Variants in PFKP observed in about 807,000 individuals in gnomAD.
PFKP encodes phosphofructokinase, platelet.
Under a neutral mutation model 94.3 loss-of-function variants are expected in PFKP, and 101 were observed. That is an observed-to-expected ratio of 1.07 (90% CI 0.91 to 1.26). The LOEUF (loss-of-function observed/expected upper bound fraction) is 1.26, where lower values mean the gene tolerates loss of function less well. Among genes scored for constraint, PFKP ranks in the 50% most tolerant of loss-of-function variants. The pLI is 0.00. For missense variants in PFKP, 1,145 were observed against 1,103.3 expected (o/e 1.04, Z -0.53); for synonymous variants, 573 against 432.6 (o/e 1.32, Z -4.03).
intron 2 of PFKP, among the ~76,000 whole-genome samples, chr10:3,087,399 C>CG (rs1833687928): frequency 6.6e-6 from 1 of 152,160 alleles, no homozygotes; most frequent in Non-Finnish European, 1.5e-5. Context: ...CCTTGTCTGG[C>CG]GGGGACAGCG....
intron 2 of PFKP, among the ~76,000 whole-genome samples, chr10:3,098,611 T>C (rs1383613642): frequency 7.1e-6 from 1 of 141,090 alleles, no homozygotes; most frequent in African/African-American, 2.7e-5. Context: ...GGAGGCAGGT[T>C]GCAGTGAGCC....
intron 4 of PFKP, among the ~76,000 whole-genome samples, chr10:3,102,085 A>G (rs894830557): frequency 6.6e-6 from 1 of 150,546 alleles, no homozygotes; most frequent in African/African-American, 2.4e-5. Flanking sequence ...CCCCGTCTCT[A>G]CTAAAAATAC....
intron 5 of PFKP, 46 bp from the exon 6 acceptor site, chr10:3,105,069 T>A (rs755904255): frequency 1.9e-6 from 3 of 1,592,722 alleles, no homozygotes; most frequent in Non-Finnish European, 2.6e-6. Flanking sequence ...CCTCTGTTTC[T>A]CTGCTTTCTG....
intron 7 of PFKP, among the ~76,000 whole-genome samples, chr10:3,106,456 T>C (rs1835568250): frequency 6.6e-6 from 1 of 151,280 alleles, no homozygotes; most frequent in South Asian, 2.1e-4. Context: ...TCCTTCCCCA[T>C]GGGAACCCCT....
Position 3,136,689 on chromosome 10 carries a change from C to A in PFKP, c.*110C>A, listed in dbSNP as rs1053000. 4 of 1,212,344 alleles carry A rather than the reference C, an allele frequency of 3.3e-6. No individual in the cohort carries two copies. Among genetic ancestry groups the A allele is most frequent in the Non-Finnish European group, 4.6e-6 (4 of 864,144 alleles). The allele number at this position is 1,212,344 out of a possible 1,614,324, so 75.1% of individuals were successfully genotyped here. ...CGTATTATTGACATTAATACCTAAT[C>A]GGCGAGTGCCCATCTGCCCCACCTG... On this transcript the variant is annotated 3_prime_UTR_variant, in exon 22 of 22. Transcript: ENST00000381125.
At chr10:3,090,457 G>A (rs966284463) in intron 2 of PFKP, among the ~76,000 whole-genome samples, 5 of 152,196 alleles carry the variant, frequency 3.3e-5, no homozygotes, top group East Asian at 1.9e-4. Flanking sequence ...GATGAGACGC[G>A]CATGCCTTTG....
At chr10:3,104,981 C>G in intron 5 of PFKP, 134 bp from the exon 6 acceptor site, 1 of 794,046 alleles carries the variant, frequency 1.3e-6, no homozygotes, top group Non-Finnish European at 2.2e-6. Flanking sequence ...TAGGTCCCTG[C>G]AGGCCTCCTG....
chr10:3,072,802 A>G (rs10795000), intron 1 of PFKP, among the ~76,000 whole-genome samples: 22,707 of 151,892 alleles, frequency 0.15, 2,218 homozygotes, highest in East Asian at 0.32. Flanking sequence ...AAGCAATTAA[A>G]ATTAGAAAGG....
intron 1 of PFKP, among the ~76,000 whole-genome samples, chr10:3,073,274 C>T (rs941218447): frequency 6.6e-6 from 1 of 151,918 alleles, no homozygotes; most frequent in Admixed American, 6.5e-5. Flanking sequence ...TCTCTGTCTC[C>T]TCTCCCTGTC....
intron 1 of PFKP, among the ~76,000 whole-genome samples, chr10:3,075,997 G>C (rs1326848256): frequency 2.6e-5 from 3 of 114,210 alleles, no homozygotes; most frequent in Non-Finnish European, 4.9e-5. Context: ...CGGCCTGGGC[G>C]ACAGAGCGAG....
chr10:3,126,145 G>A (rs1443247202), intron 16 of PFKP, among the ~76,000 whole-genome samples: 1 of 152,246 alleles, frequency 6.6e-6, no homozygotes, highest in East Asian at 1.9e-4. Context: ...AACCTCGGAA[G>A]ACAGCAGTTC....
chr10:3,075,902 C>T (rs1429435058), intron 1 of PFKP, among the ~76,000 whole-genome samples: 3 of 109,342 alleles, frequency 2.7e-5, no homozygotes, highest in Non-Finnish European at 3.4e-5. Context: ...GAGACCCTAT[C>T]GCAAAAAAAA....
chr10:3,076,422 G>A (rs1393530610), intron 1 of PFKP, among the ~76,000 whole-genome samples: 1 of 152,090 alleles, frequency 6.6e-6, no homozygotes, highest in African/African-American at 2.4e-5. Context: ...CTCTTTCCCA[G>A]ATGTCCATTT....
At position 3,086,798 on chromosome 10, in the gene PFKP, T is replaced by C. The variant is rs540221653; in HGVS notation, c.186+4337T>C. On this transcript the variant is annotated intron_variant, in intron 2 of 21. Transcript: ENST00000381125. ...TGTAAGGGTTGTGTTTTTGTGGCGATTGTCGGGTGTCTGATTTTTATTGGT... is the reference window on the plus strand; with the variant it reads ...TGTAAGGGTTGTGTTTTTGTGGCGACTGTCGGGTGTCTGATTTTTATTGGT... 5.9e-5 allele frequency among the ~76,000 whole-genome samples: 9 copies of C among 152,238 alleles called. No homozygotes were observed. In the East Asian group the frequency reaches 1.7e-3, roughly 29 times the overall value.
intron 1 of PFKP, among the ~76,000 whole-genome samples, chr10:3,079,660 G>GGGGGC: frequency 1.5e-5 from 1 of 65,940 alleles, no homozygotes; most frequent in South Asian, 7.6e-4. Context: ...CAGAGAGCGG[G>GGGGGC]GTGGGGGGGG....
At chr10:3,110,984 A>G (rs936633010) in intron 10 of PFKP, among the ~76,000 whole-genome samples, 6 of 146,182 alleles carry the variant, frequency 4.1e-5, no homozygotes, top group African/African-American at 8.2e-5. Context: ...GTGTATATGC[A>G]TGTGTACATT....
At chr10:3,072,557 T>C (rs989637017) in intron 1 of PFKP, among the ~76,000 whole-genome samples, 1 of 152,148 alleles carries the variant, frequency 6.6e-6, no homozygotes, top group Non-Finnish European at 1.5e-5. Flanking sequence ...GGTGTCACCA[T>C]GTGGCACAGT....
intron 16 of PFKP, among the ~76,000 whole-genome samples, chr10:3,126,082 T>G (rs1185288293): frequency 1.3e-5 from 2 of 152,190 alleles, no homozygotes; most frequent in Non-Finnish European, 2.9e-5. Context: ...CTCCGGAGTT[T>G]GCAGTGAAAA....
intron 4 of PFKP, 35 bp from the exon 5 acceptor site, chr10:3,103,744 A>G: frequency 6.2e-7 from 1 of 1,611,062 alleles, no homozygotes; most frequent in Non-Finnish European, 8.5e-7. Context: ...CGCCATGGTT[A>G]CGGCGATGAG....
Sources: gnomAD v4.1 joint callset for allele counts (sites outside exome capture counted in the v4.1 genomes callset) on GRCh38, gnomAD v4.1.1 for gene constraint, MANE v1.5 for transcripts, NCBI Gene and HGNC (gene_info 2026-07-23, HGNC 2026-07-21) for gene names.